Variants in DCP1A observed in about 807,000 individuals in gnomAD.
DCP1A encodes mRNA-decapping enzyme 1A.
A neutral mutation model predicts 58.0 loss-of-function variants in DCP1A; 20 were observed. The observed-to-expected ratio is 0.34, with a 90% CI of 0.24 to 0.50. DCP1A has a LOEUF of 0.50. DCP1A is among the 20% of genes least tolerant of loss of function. DCP1A has a pLI of 0.98. For missense variants in DCP1A, 613 were observed against 712.2 expected (o/e 0.86, Z 1.59); for synonymous variants, 285 against 275.1 (o/e 1.04, Z -0.36).
intron 3 of DCP1A, among the ~76,000 whole-genome samples, chr3:53,326,366 G>A (rs1708103234): frequency 6.6e-6 from 1 of 152,130 alleles, no homozygotes; most frequent in African/African-American, 2.4e-5. Flanking sequence ...CTAGGGTTTT[G>A]CCTTTGCTGT....
intron 3 of DCP1A, among the ~76,000 whole-genome samples, chr3:53,324,758 T>C (rs1053884305): frequency 6.6e-6 from 1 of 152,198 alleles, no homozygotes; most frequent in African/African-American, 2.4e-5. Context: ...TGGTGGCTCA[T>C]GCCTCTAATC....
At chr3:53,347,271 T>A in intron 1 of DCP1A, 112 bp downstream of exon 1, 1 of 1,305,230 alleles carries the variant, frequency 7.7e-7, no homozygotes, top group Non-Finnish European at 1.0e-6. Flanking sequence ...CCTGGCCTCG[T>A]CTCCACCGCC....
chr3:53,315,162 C>G (rs1707764397), intron 4 of DCP1A, among the ~76,000 whole-genome samples: 1 of 152,118 alleles, frequency 6.6e-6, no homozygotes, highest in African/African-American at 2.4e-5. Flanking sequence ...TCTGTAAGAT[C>G]AGGAATAAAG....
chr3:53,315,556 AAG>A (rs1707777896), intron 4 of DCP1A, among the ~76,000 whole-genome samples: 2 of 150,386 alleles, frequency 1.3e-5, no homozygotes, highest in African/African-American at 2.4e-5. Context: ...AAAAAAAAAA[AAG>A]AGTTTCTGGC....
chr3:53,340,392 G>A (rs1464991927), intron 3 of DCP1A, among the ~76,000 whole-genome samples: 2 of 152,148 alleles, frequency 1.3e-5, no homozygotes, highest in Non-Finnish European at 2.9e-5. Context: ...TGGACAAATA[G>A]TTTACTGAGA....
rs12487816 is a variant in DCP1A, at chr3:53,316,836, C to T, written c.371+2571G>A. Among the ~76,000 whole-genome samples, 1,069 of 152,190 alleles carry T rather than the reference C, an allele frequency of 7.0e-3. 45 individuals carry two copies. The highest frequency in any genetic ancestry group is 0.064 in the Admixed American group (982 of 15,266). On this transcript the variant is annotated intron_variant, in intron 4 of 9. Transcript: ENST00000610213. ...TTTCGGGCATTTCTGGTGAAAGAAG[C>T]CCCAATGCTCTTCTTTTCCCTTCCA... is the stretch of plus-strand genomic sequence containing the variant.
chr3:53,291,005 AG>A (rs1215273036), intron 7 of DCP1A, 149 bp from the exon 8 acceptor site: 2 of 723,894 alleles, frequency 2.8e-6, no homozygotes, highest in Non-Finnish European at 4.7e-6. Context: ...TAGATTCCCA[AG>A]GGAAGAGTCT....
chr3:53,317,411 C>G (rs138856025), intron 4 of DCP1A, among the ~76,000 whole-genome samples: 1 of 152,182 alleles, frequency 6.6e-6, no homozygotes, highest in South Asian at 2.1e-4. Context: ...GTGATCTGCC[C>G]GCCTTGGCCC....
At chr3:53,307,500 G>A (rs1707511811) in intron 5 of DCP1A, among the ~76,000 whole-genome samples, 1 of 152,134 alleles carries the variant, frequency 6.6e-6, no homozygotes, top group Admixed American at 6.5e-5. Flanking sequence ...CCTGGCTCTT[G>A]GGGCATTTGA....
intron 3 of DCP1A, among the ~76,000 whole-genome samples, chr3:53,323,519 T>C (rs1553690246): frequency 6.6e-6 from 1 of 152,150 alleles, no homozygotes; most frequent in Non-Finnish European, 1.5e-5. Flanking sequence ...TCGTTTTCCT[T>C]CAATAAGCTA....
rs1553685180 is a variant in DCP1A, at chr3:53,286,953, C to G, written c.*627G>C. 6.6e-6 allele frequency: 1 copy of G among 152,270 alleles called. No individual in the cohort carries two copies. The highest frequency in any genetic ancestry group is 2.4e-5 in the African/African-American group (1 of 41,454). 9.4% of individuals were successfully genotyped at this position (152,270 alleles called of 1,614,324 possible). On this transcript the variant is annotated 3_prime_UTR_variant, in exon 10 of 10. Coordinates refer to ENST00000610213, the MANE Select transcript of DCP1A (RefSeq NM_018403.7). ...GTAATGCTGCACTGGGGGCCTGCTG[C>G]AGGGCAGGACTGGGGCACTTAAAAA...
chr3:53,312,472 G>C, intron 4 of DCP1A, 93 bp from the exon 5 acceptor site: 2 of 988,316 alleles, frequency 2.0e-6, no homozygotes, highest in Middle Eastern at 2.3e-4. Flanking sequence ...GATACACTAA[G>C]AGTGTCACAT....
chr3:53,339,458 C>T (rs1448298688), intron 3 of DCP1A, among the ~76,000 whole-genome samples: 3 of 152,164 alleles, frequency 2.0e-5, no homozygotes, highest in African/African-American at 4.8e-5. Context: ...ACAATTTAAC[C>T]TATGATACTA....
rs782427710 is a variant in DCP1A, at chr3:53,292,845, C to A, written c.625-18G>T. On this transcript the variant is annotated intron_variant, in intron 6 of 9. Transcript: ENST00000610213. ...GGAGCAGACTGAAAAACAAATGAAACCACCCAGTCAAAGAGGTCTGTTATA... is the reference window on the plus strand; with the variant it reads ...GGAGCAGACTGAAAAACAAATGAAAACACCCAGTCAAAGAGGTCTGTTATA... The A allele has an allele frequency of 1.3e-6, 2 of 1,588,096 alleles. No individual in the cohort carries two copies. The highest frequency in any genetic ancestry group is 1.7e-5 in the Admixed American group (1 of 57,818).
At chr3:53,314,632 T>C (rs1341411259) in intron 4 of DCP1A, among the ~76,000 whole-genome samples, 2 of 151,852 alleles carry the variant, frequency 1.3e-5, no homozygotes, top group African/African-American at 4.8e-5. Context: ...TCTGTGATTA[T>C]TTTGGTTTAA....
chr3:53,323,152 A>C (rs1398701148), intron 3 of DCP1A, among the ~76,000 whole-genome samples: 3 of 152,250 alleles, frequency 2.0e-5, no homozygotes, highest in Admixed American at 2.0e-4. Flanking sequence ...ATCCATTTTC[A>C]CAGTGCCTCT....
intron 3 of DCP1A, among the ~76,000 whole-genome samples, chr3:53,335,355 G>A (rs1423698312): frequency 1.5e-5 from 2 of 132,300 alleles, no homozygotes; most frequent in Non-Finnish European, 3.3e-5. Flanking sequence ...TGGCCAGACT[G>A]GTCTCGAACT....
rs1386350761 is a variant in DCP1A at position 53,345,033 on chromosome 3, C to A, written c.136-91G>T. 3 of 958,850 alleles carry A rather than the reference C, an allele frequency of 3.1e-6. No homozygotes were observed. In the African/African-American group the frequency reaches 5.0e-5, roughly 16 times the overall value. The allele number at this position is 958,850 out of a possible 1,614,324, so 59.4% of individuals were successfully genotyped here. A position where few individuals can be genotyped will look rare whatever the true frequency, so the allele number is the denominator to read the frequency against. Reference sequence around the variant, plus strand: ...AGAAGTAATGCTTCACGTTTAAGATCAACTTGTTTCATTTCATCTATTATA... The same window carrying A: ...AGAAGTAATGCTTCACGTTTAAGATAAACTTGTTTCATTTCATCTATTATA... On this transcript the variant is annotated intron_variant, in intron 1 of 9. Coordinates refer to ENST00000610213, the MANE Select transcript of DCP1A (RefSeq NM_018403.7).
At chr3:53,342,103 A>T (rs1553692592) in intron 3 of DCP1A, 41 bp downstream of exon 3, 1 of 1,517,062 alleles carries the variant, frequency 6.6e-7, no homozygotes, top group East Asian at 2.4e-5. Flanking sequence ...AAAGTCACTC[A>T]ATTTTAAATG....
Sources: gnomAD v4.1 joint callset for allele counts (sites outside exome capture counted in the v4.1 genomes callset) on GRCh38, gnomAD v4.1.1 for gene constraint, MANE v1.5 for transcripts, NCBI Gene and HGNC (gene_info 2026-07-23, HGNC 2026-07-21) for gene names.